The following SUPT3H variants were observed in gnomAD, a reference collection of about 807,000 sequenced individuals.
SUPT3H encodes SPT3 homolog, SAGA and STAGA complex component, also known as transcription initiation protein SPT3 homolog.
A neutral mutation model predicts 44.3 loss-of-function variants in SUPT3H; 44 were observed. The ratio of observed to expected loss-of-function variants is 0.99; its 90% CI spans 0.78 to 1.28. SUPT3H has a LOEUF of 1.28. Ranked by LOEUF, SUPT3H falls within the 50% of genes most tolerant of loss-of-function variation. The pLI is 0.00. For synonymous variants in SUPT3H, 124 were observed against 125.6 expected, an observed-to-expected ratio of 0.99 and a Z score of 0.09; for missense variants, 380 against 387.1, an observed-to-expected ratio of 0.98 and a Z score of 0.15.
intron 3 of SUPT3H, among the ~76,000 whole-genome samples, chr6:45,070,623 C>A (rs1794217887): frequency 6.6e-6 from 1 of 151,716 alleles, no homozygotes; most frequent in South Asian, 2.1e-4. Flanking sequence ...CGCCTGTAAT[C>A]CCAGCTACTC....
intron 3 of SUPT3H, among the ~76,000 whole-genome samples, chr6:45,081,518 G>A (rs1297796009): frequency 6.6e-6 from 1 of 152,074 alleles, no homozygotes; most frequent in Non-Finnish European, 1.5e-5. Flanking sequence ...CATTAGAGAA[G>A]AGACTTTCTT....
At chr6:45,311,201 C>A (rs1404821861) in intron 2 of SUPT3H, among the ~76,000 whole-genome samples, 1 of 152,106 alleles carries the variant, frequency 6.6e-6, no homozygotes, top group Admixed American at 6.5e-5. Flanking sequence ...ACAAGGTCTT[C>A]GAACTAACCC....
chr6:45,026,985 CTTTTTTTTTTTTT>C (rs34588777), intron 3 of SUPT3H, among the ~76,000 whole-genome samples: 1 of 87,510 alleles, frequency 1.1e-5, no homozygotes. Context: ...GCTTTGGATC[CTTTTTTTTTTTTT>C]TTTTTTTTTG....
chr6:45,046,943 C>T (rs1789492037), intron 3 of SUPT3H, among the ~76,000 whole-genome samples: 1 of 152,240 alleles, frequency 6.6e-6, no homozygotes, highest in South Asian at 2.1e-4. Context: ...GTATTATATA[C>T]AATTTGTTAA....
chr6:45,176,856 G>A (rs141140313), intron 2 of SUPT3H, among the ~76,000 whole-genome samples: 42 of 152,252 alleles, frequency 2.8e-4, no homozygotes, highest in African/African-American at 8.7e-4. Context: ...GCAGCTGAGC[G>A]TCCTGTCTGT....
intron 10 of SUPT3H, among the ~76,000 whole-genome samples, chr6:44,931,555 A>C (rs1448819516): frequency 2.0e-5 from 3 of 152,172 alleles, no homozygotes; most frequent in South Asian, 2.1e-4. Flanking sequence ...AAAAACATTC[A>C]TGCAAAAGGA....
chr6:44,902,162 C>A (rs1398224388), intron 10 of SUPT3H, among the ~76,000 whole-genome samples: 2 of 152,170 alleles, frequency 1.3e-5, no homozygotes, highest in Non-Finnish European at 2.9e-5. Context: ...TGATGAAATT[C>A]ACACATAACA....
At chr6:44,838,756 G>A (rs1266895134) in intron 10 of SUPT3H, among the ~76,000 whole-genome samples, 5 of 152,112 alleles carry the variant, frequency 3.3e-5, no homozygotes, top group Non-Finnish European at 7.3e-5. Context: ...TTAAATTAGA[G>A]TACTCTCTGT....
At chr6:44,862,355 G>A (rs1278833802) in intron 10 of SUPT3H, among the ~76,000 whole-genome samples, 1 of 151,926 alleles carries the variant, frequency 6.6e-6, no homozygotes, top group Non-Finnish European at 1.5e-5. Context: ...TACAGCCTGT[G>A]AAGGATTCGC....
chr6:44,998,777 G>T (rs1781607632), intron 6 of SUPT3H, among the ~76,000 whole-genome samples: 1 of 151,542 alleles, frequency 6.6e-6, no homozygotes, highest in Admixed American at 6.6e-5. Flanking sequence ...GCTTATCTTT[G>T]TATTTTCATT....
At chr6:45,283,656 T>C (rs1001996684) in intron 2 of SUPT3H, among the ~76,000 whole-genome samples, 2 of 151,788 alleles carry the variant, frequency 1.3e-5, no homozygotes, top group African/African-American at 4.8e-5. Context: ...AACACCCCAC[T>C]GTCAACACTA....
intron 10 of SUPT3H, among the ~76,000 whole-genome samples, chr6:44,852,490 A>T (rs1773052438): frequency 6.6e-6 from 1 of 152,148 alleles, no homozygotes; most frequent in Non-Finnish European, 1.5e-5. Context: ...CTATTGAAGG[A>T]CTTCATCCTT....
At chr6:45,070,038 G>T (rs1244683275) in intron 3 of SUPT3H, among the ~76,000 whole-genome samples, 1 of 152,110 alleles carries the variant, frequency 6.6e-6, no homozygotes, top group Non-Finnish European at 1.5e-5. Context: ...ATCAATGCCA[G>T]GTATGAATAT....
At position 44,847,684 on chromosome 6, in the gene SUPT3H, C is replaced by T. The variant is rs1172319539; in HGVS notation, c.913-17827G>A. On this transcript the variant is annotated intron_variant, in intron 10 of 10. Transcript: ENST00000371459. ...TGTATTTTTAGTAGAGATGGGGTTT[C>T]GCTATGTTGGCCAGGCTGGTCTCGA... Among the ~76,000 whole-genome samples, 70 of 152,042 alleles carry T rather than the reference C, an allele frequency of 4.6e-4. 1 individual carries two copies. Among genetic ancestry groups the T allele is most frequent in the East Asian group, 1.4e-3 (7 of 5,154 alleles).
intron 10 of SUPT3H, among the ~76,000 whole-genome samples, chr6:44,857,374 G>A (rs1200612646): frequency 6.6e-6 from 1 of 152,100 alleles, no homozygotes; most frequent in East Asian, 1.9e-4. Flanking sequence ...TTCTACTGGG[G>A]AGAGCAGTCT....
At chr6:45,029,882 A>C (rs1786648501) in intron 3 of SUPT3H, among the ~76,000 whole-genome samples, 1 of 152,158 alleles carries the variant, frequency 6.6e-6, no homozygotes, top group Non-Finnish European at 1.5e-5. Context: ...CTCCCACCTC[A>C]GCCTCCTGAA....
chr6:45,334,180 T>C (rs75324063), intron 2 of SUPT3H, among the ~76,000 whole-genome samples: 4,431 of 151,320 alleles, frequency 0.029, 92 homozygotes, highest in Non-Finnish European at 0.047. Flanking sequence ...AAATATCCTA[T>C]GTAAGGCAAA....
intron 11 of SUPT3H, among the ~76,000 whole-genome samples, chr6:44,817,069 TACAA>T (rs900349319): frequency 1.5e-4 from 23 of 149,070 alleles, no homozygotes; most frequent in African/African-American, 5.4e-4. Flanking sequence ...TCTTTAAAAA[TACAA>T]ACACACAAAT....
rs1583442611 is a variant in SUPT3H at position 45,082,237 on chromosome 6, C to T, written c.186+23685G>A. On this transcript the variant is annotated intron_variant, in intron 3 of 10. Transcript: ENST00000371459. Reference sequence around the variant, plus strand: ...ATACAAAGAGTTGATATCAATTCTACTGAAACTATTCCAAAAAAATGAGGA... The same window carrying T: ...ATACAAAGAGTTGATATCAATTCTATTGAAACTATTCCAAAAAAATGAGGA... Among the ~76,000 whole-genome samples, 5 of 152,060 alleles carry T rather than the reference C, an allele frequency of 3.3e-5. No individual in the cohort carries two copies. In the South Asian group the frequency reaches 1.0e-3, roughly 32 times the overall value.
Sources: allele counts gnomAD v4.1 joint callset (sites outside exome capture counted in the v4.1 genomes callset), GRCh38; gene constraint gnomAD v4.1.1; transcripts MANE v1.5; gene names NCBI Gene and HGNC (gene_info 2026-07-23, HGNC 2026-07-21).